The following PLCB1 variants were observed in gnomAD, a reference collection of about 807,000 sequenced individuals.
PLCB1 encodes 1-phosphatidylinositol 4,5-bisphosphate phosphodiesterase beta-1.
Under a neutral mutation model 161.8 loss-of-function variants are expected in PLCB1, and 46 were observed. The ratio of observed to expected loss-of-function variants is 0.28; its 90% CI spans 0.22 to 0.36. The LOEUF (loss-of-function observed/expected upper bound fraction) is 0.36, where lower values mean the gene tolerates loss of function less well. Among genes scored for constraint, PLCB1 ranks in the 10% least tolerant of loss-of-function variants. The pLI, the probability that PLCB1 is intolerant of heterozygous loss-of-function variation, is 1.00. For synonymous variants in PLCB1, 517 were observed against 503.7 expected (o/e 1.03, Z -0.35); for missense variants, 1,016 against 1,472.5 (o/e 0.69, Z 5.07).
chr20:8,259,040 T>C (rs1169637020), intron 2 of PLCB1, among the ~76,000 whole-genome samples: 1 of 152,202 alleles, frequency 6.6e-6, no homozygotes, highest in Non-Finnish European at 1.5e-5. Context: ...TATGTAGCCT[T>C]TTGAGTCTGG....
At position 8,718,398 on chromosome 20, in the gene PLCB1, A is replaced by G. The variant is rs550575705; in HGVS notation, c.1513+550A>G. ...GAAGCCCCCTGGGTTTCACTGGGCT[A>G]CACTCCAGGTGTCAGCCGGGCTGTG... On this transcript the variant is annotated intron_variant, in intron 14 of 31. Coordinates refer to ENST00000338037, the MANE Select transcript of PLCB1 (RefSeq NM_015192.4). Among the ~76,000 whole-genome samples the G allele has an allele frequency of 1.1e-4, 16 of 152,282 alleles. No individual in the cohort carries two copies. In the East Asian group the frequency reaches 2.9e-3, roughly 28 times the overall value.
At chr20:8,461,897 C>T (rs188108192) in intron 3 of PLCB1, among the ~76,000 whole-genome samples, 166 of 152,200 alleles carry the variant, frequency 1.1e-3, no homozygotes, top group African/African-American at 3.9e-3. Context: ...TTTCATAACT[C>T]TATCTCATCT....
At chr20:8,669,646 C>A (rs1383149301) in intron 9 of PLCB1, among the ~76,000 whole-genome samples, 7 of 152,262 alleles carry the variant, frequency 4.6e-5, no homozygotes, top group South Asian at 2.1e-4. Flanking sequence ...TGTAGTAGAA[C>A]CTCCTCTGTA....
intron 2 of PLCB1, among the ~76,000 whole-genome samples, chr20:8,311,533 G>C (rs1413550426): frequency 6.6e-6 from 1 of 152,184 alleles, no homozygotes; most frequent in East Asian, 1.9e-4. Context: ...GAGAGAAAAG[G>C]CATCTGTGAT....
chr20:8,684,856 A>G (rs1176403262), intron 9 of PLCB1, 76 bp from the exon 10 acceptor site: 7 of 190,560 alleles, frequency 3.7e-5, no homozygotes, highest in East Asian at 2.8e-4. Context: ...ATATTTCTGG[A>G]AAAAAAAAAA....
At chr20:8,182,670 T>C (rs888263584) in intron 2 of PLCB1, among the ~76,000 whole-genome samples, 20 of 150,996 alleles carry the variant, frequency 1.3e-4, no homozygotes, top group African/African-American at 4.9e-4. Context: ...AACCTCTGCC[T>C]CCCAAGTTCA....
intron 19 of PLCB1, 29 bp downstream of exon 19, chr20:8,733,421 C>T (rs765024491): frequency 1.9e-6 from 3 of 1,596,140 alleles, no homozygotes; most frequent in Non-Finnish European, 2.6e-6. Flanking sequence ...AAAATTGTTC[C>T]TAACAATAGT....
At chr20:8,174,365 G>C (rs2051761781) in intron 2 of PLCB1, among the ~76,000 whole-genome samples, 1 of 152,212 alleles carries the variant, frequency 6.6e-6, no homozygotes, top group African/African-American at 2.4e-5. Flanking sequence ...TCTGTCAACA[G>C]TGACTTCTGT....
chr20:8,327,186 T>A (rs1985188079), intron 2 of PLCB1, among the ~76,000 whole-genome samples: 1 of 152,198 alleles, frequency 6.6e-6, no homozygotes. Context: ...GTGCCTAGCC[T>A]GTTTGTTTTT....
At chr20:8,156,496 A>G (rs899213818) in intron 2 of PLCB1, among the ~76,000 whole-genome samples, 3 of 152,212 alleles carry the variant, frequency 2.0e-5, no homozygotes, top group African/African-American at 7.2e-5. Flanking sequence ...ACAACTTAAT[A>G]TAGATGCCCC....
intron 3 of PLCB1, among the ~76,000 whole-genome samples, chr20:8,387,072 A>C (rs1296812902): frequency 1.1e-4 from 17 of 152,182 alleles, no homozygotes; most frequent in Admixed American, 1.1e-3. Context: ...TATCAGCAAT[A>C]CGTTTGCTTT....
intron 31 of PLCB1, among the ~76,000 whole-genome samples, chr20:8,842,743 C>A (rs975423746): frequency 6.6e-6 from 1 of 152,058 alleles, no homozygotes; most frequent in South Asian, 2.1e-4. Context: ...CTGCATGCAC[C>A]GGTAATCAGA....
chr20:8,512,699 A>G (rs1336344839), intron 3 of PLCB1, among the ~76,000 whole-genome samples: 2 of 152,282 alleles, frequency 1.3e-5, no homozygotes, highest in African/African-American at 4.8e-5. Context: ...ATTGTACCCC[A>G]ATGTACAATA....
intron 2 of PLCB1, among the ~76,000 whole-genome samples, chr20:8,187,817 A>G (rs576747523): frequency 3.0e-4 from 45 of 152,296 alleles, no homozygotes; most frequent in African/African-American, 8.9e-4. Flanking sequence ...AACTGAATCT[A>G]TGAGTGCATA....
intron 2 of PLCB1, among the ~76,000 whole-genome samples, chr20:8,344,213 C>G (rs1198930838): frequency 6.6e-6 from 1 of 152,180 alleles, no homozygotes; most frequent in African/African-American, 2.4e-5. Flanking sequence ...CAAGTGCAGT[C>G]CATAAAGAAG....
At position 8,729,210 on chromosome 20, in the gene PLCB1, C is replaced by T. The variant is rs776045938; in HGVS notation, c.1888+36C>T. 9 of 1,528,478 alleles carry T rather than the reference C, an allele frequency of 5.9e-6. No homozygotes were observed. The South Asian group carries it at 1.2e-4, about 20-fold the overall frequency. The allele number at this position is 1,528,478 out of a possible 1,614,324, so 94.7% of individuals were successfully genotyped here. ...GCTTGTTCCCATTCTGCTATGAACT[C>T]ACATTGCCAAGTGTCCAAAAACCAT... On this transcript the variant is annotated intron_variant, in intron 18 of 31. Transcript: ENST00000338037.
chr20:8,846,024 T>C (rs1986679315), intron 31 of PLCB1, among the ~76,000 whole-genome samples: 1 of 152,186 alleles, frequency 6.6e-6, no homozygotes, highest in Non-Finnish European at 1.5e-5. Context: ...ACTATTGTAT[T>C]AGTCCATTCT....
chr20:8,234,400 C>T (rs758981621), intron 2 of PLCB1, among the ~76,000 whole-genome samples: 1 of 152,104 alleles, frequency 6.6e-6, no homozygotes, highest in Admixed American at 6.6e-5. Context: ...TTGGTTGTTA[C>T]TGGTTAGCTG....
chr20:8,741,237 C>A (rs1229846907), intron 22 of PLCB1, among the ~76,000 whole-genome samples: 1 of 152,090 alleles, frequency 6.6e-6, no homozygotes, highest in East Asian at 1.9e-4. Flanking sequence ...GAGTCCTAAC[C>A]CTTGTCCATG....
Sources: gnomAD v4.1 joint callset for allele counts (sites outside exome capture counted in the v4.1 genomes callset) on GRCh38, gnomAD v4.1.1 for gene constraint, MANE v1.5 for transcripts, NCBI Gene and HGNC (gene_info 2026-07-23, HGNC 2026-07-21) for gene names.